Variants in ZNF90 observed in about 807,000 individuals in gnomAD.
ZNF90 encodes the protein zinc finger protein 90.
In ZNF90, 11 loss-of-function variants were observed where a neutral mutation model predicts 12.0. The observed-to-expected ratio is 0.92, with a 90% CI of 0.58 to 1.52. ZNF90 has a LOEUF of 1.52. Among genes scored for constraint, ZNF90 ranks in the 40% most tolerant of loss-of-function variants. The pLI is 0.00. For synonymous variants in ZNF90, 232 were observed against 240.1 expected, an observed-to-expected ratio of 0.97 and a Z score of 0.31; for missense variants, 765 against 711.5, an observed-to-expected ratio of 1.08 and a Z score of -0.86.
At chr19:20,116,979 TAAA>T (rs35276420) in intron 3 of ZNF90, among the ~76,000 whole-genome samples, 4 of 135,256 alleles carry the variant, frequency 3.0e-5, no homozygotes, top group Non-Finnish European at 3.2e-5. Context: ...TGTTTTTCTT[TAAA>T]AAAAAAAAAA....
chr19:20,102,019 T>A (rs1253527720), intron 1 of ZNF90, among the ~76,000 whole-genome samples: 1 of 152,210 alleles, frequency 6.6e-6, no homozygotes, highest in Non-Finnish European at 1.5e-5. Flanking sequence ...CATGCAGAAT[T>A]CTTAGCAAGA....
At chr19:20,102,554 A>G (rs2088997902) in intron 1 of ZNF90, among the ~76,000 whole-genome samples, 1 of 152,174 alleles carries the variant, frequency 6.6e-6, no homozygotes, top group Non-Finnish European at 1.5e-5. Flanking sequence ...ACACCCTTCT[A>G]TAGAAGTATA....
chr19:20,105,600 C>T (rs948395443), intron 3 of ZNF90, among the ~76,000 whole-genome samples: 1 of 152,192 alleles, frequency 6.6e-6, no homozygotes. Context: ...ACTGCACAAT[C>T]TGGCTGCTTT....
chr19:20,086,751 C>T (rs2088862615), intron 1 of ZNF90, among the ~76,000 whole-genome samples: 1 of 152,128 alleles, frequency 6.6e-6, no homozygotes, highest in African/African-American at 2.4e-5. Context: ...TTACTTAAGT[C>T]TAATATCCAA....
At chr19:20,085,685 T>C (rs2088854271) in intron 1 of ZNF90, among the ~76,000 whole-genome samples, 1 of 152,216 alleles carries the variant, frequency 6.6e-6, no homozygotes, top group Non-Finnish European at 1.5e-5. Context: ...AGTTCAAAAC[T>C]CTTTGAAAAC....
intron 1 of ZNF90, among the ~76,000 whole-genome samples, chr19:20,082,573 T>TTTAAAA (rs1294849731): frequency 6.6e-6 from 1 of 152,194 alleles, no homozygotes. Flanking sequence ...GAAGGCAGCA[T>TTTAAAA]GCTTGTTAAA....
intron 1 of ZNF90, among the ~76,000 whole-genome samples, chr19:20,098,094 G>T (rs186458404): frequency 1.3e-5 from 2 of 151,902 alleles, no homozygotes; most frequent in Non-Finnish European, 2.9e-5. Flanking sequence ...TTATATTCAC[G>T]TTGTGTCAGC....
At chr19:20,109,013 G>A (rs1654268) in intron 3 of ZNF90, among the ~76,000 whole-genome samples, 41,761 of 151,822 alleles carry the variant, frequency 0.28, 6,263 homozygotes, top group East Asian at 0.47. Context: ...TTGAGCCACC[G>A]TGCCCGGCTT....
intron 1 of ZNF90, among the ~76,000 whole-genome samples, chr19:20,095,956 G>GTATAATC (rs2088941738): frequency 6.6e-6 from 1 of 152,200 alleles, no homozygotes; most frequent in African/African-American, 2.4e-5. Flanking sequence ...TATAATCAGA[G>GTATAATC]AGGCATCCCT....
chr19:20,117,304 A>T (rs2089146687), intron 3 of ZNF90, among the ~76,000 whole-genome samples: 1 of 152,138 alleles, frequency 6.6e-6, no homozygotes, highest in Non-Finnish European at 1.5e-5. Context: ...TTGGTCTCCC[A>T]AAGTGCTGGG....
At chr19:20,080,187 C>CACAT in intron 1 of ZNF90, 1 of 508,490 alleles carries the variant, frequency 2.0e-6, no homozygotes, top group Admixed American at 2.5e-5. Context: ...CCAGGGGCAG[C>CACAT]ACATAATGGG....
At chr19:20,093,421 A>G (rs1393157307) in intron 1 of ZNF90, among the ~76,000 whole-genome samples, 5 of 151,972 alleles carry the variant, frequency 3.3e-5, no homozygotes, top group Admixed American at 3.3e-4. Context: ...TGGGCATGTG[A>G]TCGGTTGCCA....
chr19:20,106,207 T>A (rs533528564), intron 3 of ZNF90, among the ~76,000 whole-genome samples: 1 of 152,150 alleles, frequency 6.6e-6, no homozygotes, highest in East Asian at 1.9e-4. Flanking sequence ...TAATTTTATG[T>A]TTTGCTAATT....
At chr19:20,115,463 C>A (rs781799942) in intron 3 of ZNF90, among the ~76,000 whole-genome samples, 4 of 104,590 alleles carry the variant, frequency 3.8e-5, no homozygotes, top group Non-Finnish European at 7.9e-5. Flanking sequence ...TAAAAATTTT[C>A]TTTTGTGTAT....
intron 1 of ZNF90, among the ~76,000 whole-genome samples, chr19:20,083,223 C>T (rs2088834136): frequency 6.6e-6 from 1 of 152,154 alleles, no homozygotes; most frequent in African/African-American, 2.4e-5. Flanking sequence ...TACTTTGTCT[C>T]TGTGTCTCTT....
rs782082869 is a variant in ZNF90 at position 20,118,989 on chromosome 19, A to G, written c.1435A>G (p.Lys479Glu). ...TTHKISHTEE[K>E]LYKCQECDKA... ...ACATAAGATAAGTCATACTGAAGAGAAACTCTACAAATGTCAAGAATGTGA... is the reference window on the plus strand; with the variant it reads ...ACATAAGATAAGTCATACTGAAGAGGAACTCTACAAATGTCAAGAATGTGA... Residue 479 changes from lysine to glutamate, a missense_variant, in exon 4 of 4, where the codon AAA (lysine) becomes GAA (glutamate). By Grantham distance (56) the Lys-to-Glu change is moderately conservative. Transcript: ENST00000418063. The G allele has an allele frequency of 4.4e-6, 7 of 1,608,580 alleles. No homozygotes were observed. In the Admixed American group the frequency reaches 1.0e-4, roughly 23 times the overall value.
chr19:20,100,684 G>C (rs564455594), intron 1 of ZNF90, among the ~76,000 whole-genome samples: 1 of 152,294 alleles, frequency 6.6e-6, no homozygotes, highest in East Asian at 1.9e-4. Flanking sequence ...TTTTCCTCTT[G>C]AGAGGGGGAT....
rs1235752765 is a variant in ZNF90, at chr19:20,120,697, TAAA to T, written c.*1341_*1343del. On this transcript the variant is annotated 3_prime_UTR_variant, in exon 4 of 4. Transcript: ENST00000418063. ...CATTACACTAAAACAGTGTTGAGTATAAAAAAGAATCCACAACAAAAATTGTTA... is the reference window on the plus strand; with the variant it reads ...CATTACACTAAAACAGTGTTGAGTATAAAGAATCCACAACAAAAATTGTTA... The T allele has an allele frequency of 6.6e-6, 1 of 152,188 alleles. No individual in the cohort carries two copies. The highest frequency in any genetic ancestry group is 1.5e-5 in the Non-Finnish European group (1 of 68,030). The allele number at this position is 152,188 out of a possible 1,614,324, so 9.4% of individuals were successfully genotyped here.
At chr19:20,080,799 C>A (rs1012786510) in intron 1 of ZNF90, among the ~76,000 whole-genome samples, 1 of 152,118 alleles carries the variant, frequency 6.6e-6, no homozygotes, top group African/African-American at 2.4e-5. Context: ...GAAACGGGGT[C>A]TGTGCTGACT....
Sources: allele counts gnomAD v4.1 joint callset (sites outside exome capture counted in the v4.1 genomes callset), GRCh38; gene constraint gnomAD v4.1.1; transcripts MANE v1.5; gene names NCBI Gene and HGNC (gene_info 2026-07-23, HGNC 2026-07-21).